EPS8: variants seen among roughly 807,000 people sequenced by gnomAD.
EPS8 encodes EGFR pathway substrate 8, signaling adaptor.
In EPS8, 42 loss-of-function variants were observed where a neutral mutation model predicts 103.8. The observed-to-expected ratio is 0.40, with a 90% CI of 0.32 to 0.52. EPS8 has a LOEUF of 0.52. Among genes scored for constraint, EPS8 ranks in the 20% least tolerant of loss-of-function variants. The pLI is 0.40. For missense variants in EPS8, 969 were observed against 1,005.1 expected (o/e 0.96, Z 0.49); for synonymous variants, 344 against 344.6 (o/e 1.00, Z 0.02).
In EPS8 at chr12:15,717,143, T is replaced by C. The variant is rs1048520158; in HGVS notation, c.-21-34171A>G. On this transcript the variant is annotated intron_variant, in intron 1 of 20. Coordinates refer to ENST00000281172, the MANE Select transcript of EPS8 (RefSeq NM_004447.6). This position sits in a 1 kb window ranked among gnomAD's most constrained non-coding sequence, Gnocchi z 4.3. ...CAGGAGATGCAATATGACTTATCTT[T>C]GGGAGAATCATATCTAACTACAATT... is the stretch of plus-strand genomic sequence containing the variant. 6.6e-6 allele frequency among the ~76,000 whole-genome samples: 1 copy of C among 152,228 alleles called. No homozygotes were observed. The highest frequency in any genetic ancestry group is 1.5e-5 in the Non-Finnish European group (1 of 68,036).
chr12:15,720,105 A>G (rs911799107), intron 1 of EPS8, among the ~76,000 whole-genome samples: 5 of 152,226 alleles, frequency 3.3e-5, no homozygotes, highest in Non-Finnish European at 5.9e-5. Flanking sequence ...CTTTGGCCAC[A>G]TTACTAAATC....
rs1252684575 is a variant in EPS8 at position 15,787,905 on chromosome 12, C to CA, written c.-22+1255dup. The CA allele has an allele frequency of 1.1e-4, 17 of 152,104 alleles. No individual in the cohort carries two copies. Among genetic ancestry groups the CA allele is most frequent in the African/African-American group, 3.6e-4 (15 of 41,404 alleles). 9.4% of individuals were successfully genotyped at this position (152,104 alleles called of 1,614,324 possible). A position where few individuals can be genotyped will look rare whatever the true frequency, so the allele number is the denominator to read the frequency against. On this transcript the variant is annotated intron_variant, in intron 1 of 20. Coordinates refer to ENST00000281172, the MANE Select transcript of EPS8 (RefSeq NM_004447.6). This position sits in a 1 kb window ranked among gnomAD's most constrained non-coding sequence, Gnocchi z 4.9. ...ATGTTTAGAAAACTGCGATCCCAAACAAAAAATCTATACTAGGTGAGACAG... is the reference window on the plus strand; with the variant it reads ...ATGTTTAGAAAACTGCGATCCCAAACAAAAAAATCTATACTAGGTGAGACAG...
chr12:15,669,911 A>C, intron 4 of EPS8, 86 bp from the exon 5 acceptor site: 1 of 1,003,922 alleles, frequency 1.0e-6, no homozygotes, highest in Non-Finnish European at 1.4e-6. Flanking sequence ...AGAAAATCAA[A>C]TAACCTGAGG....
Position 15,752,881 on chromosome 12 carries a change from A to G in EPS8, c.-22+36280T>C, listed in dbSNP as rs888400479. On this transcript the variant is annotated intron_variant, in intron 1 of 20. Coordinates refer to ENST00000281172, the MANE Select transcript of EPS8 (RefSeq NM_004447.6). The surrounding 1 kb of genome is among the most constrained non-coding windows in gnomAD (Gnocchi z 4.4). ...GCATTATCATAAAATCCTATGAGAA[A>G]GGCAAGGCAAGAACCATTACTTTCC... Among the ~76,000 whole-genome samples the G allele has an allele frequency of 1.3e-5, 2 of 152,134 alleles. No individual in the cohort carries two copies. Among genetic ancestry groups the G allele is most frequent in the African/African-American group, 4.8e-5 (2 of 41,422 alleles).
chr12:15,727,930 T>C lies in EPS8; in HGVS notation c.-21-44958A>G, dbSNP rs140163555. ...TGCTTTTATCAAGATGGTTCTCCCA[T>C]AATGCTTTAATAAATGATGAAAAAC... On this transcript the variant is annotated intron_variant, in intron 1 of 20. Transcript: ENST00000281172. This position sits in a 1 kb window ranked among gnomAD's most constrained non-coding sequence, Gnocchi z 4.3. Among the ~76,000 whole-genome samples, 213 of 152,332 alleles carry C rather than the reference T, an allele frequency of 1.4e-3. 1 individual carries two copies. The highest frequency in any genetic ancestry group is 4.9e-3 in the African/African-American group (205 of 41,568).
Position 15,706,626 on chromosome 12 carries a change from C to T in EPS8, c.-21-23654G>A, listed in dbSNP as rs1440184669. 6.6e-6 allele frequency among the ~76,000 whole-genome samples: 1 copy of T among 152,154 alleles called. No homozygotes were observed. The highest frequency in any genetic ancestry group is 2.1e-4 in the South Asian group (1 of 4,824). ...ATACTTTCTATTGAAGCAAAACACA[C>T]TTTTGTATTTTGCATTTTCTTTCAA... On this transcript the variant is annotated intron_variant, in intron 1 of 20. Transcript: ENST00000281172. This position sits in a 1 kb window ranked among gnomAD's most constrained non-coding sequence, Gnocchi z 5.2.
Position 15,654,225 on chromosome 12 carries a change from T to A in EPS8, c.1170A>T (p.Thr390=). Residue 390 remains threonine (T), a synonymous_variant, in exon 13 of 21, where the codon ACA becomes ACT. Coordinates refer to ENST00000281172, the MANE Select transcript of EPS8 (RefSeq NM_004447.6). ...SVLSPLLNKD[T]IDFLNYTVNG... ...TGACAGTATAATTTAAGAAATCAATTGTGTCCTTATTCAATAGGGGACTAA... is the reference window on the plus strand; with the variant it reads ...TGACAGTATAATTTAAGAAATCAATAGTGTCCTTATTCAATAGGGGACTAA... 1 of 1,613,620 alleles carries A rather than the reference T, an allele frequency of 6.2e-7. No individual in the cohort carries two copies. The highest frequency in any genetic ancestry group is 8.5e-7 in the Non-Finnish European group (1 of 1,179,580).
chr12:15,775,671 T>C (rs1947200422), intron 1 of EPS8, among the ~76,000 whole-genome samples: 1 of 152,166 alleles, frequency 6.6e-6, no homozygotes, highest in Non-Finnish European at 1.5e-5. Context: ...ACCTGATGCT[T>C]CTGTTAAGTT....
At chr12:15,656,260 G>A (rs928810483) in intron 12 of EPS8, among the ~76,000 whole-genome samples, 40 of 152,144 alleles carry the variant, frequency 2.6e-4, no homozygotes, top group Non-Finnish European at 5.4e-4. Flanking sequence ...TACAAATTTT[G>A]TTAATGAACT....
chr12:15,705,972 A>T (rs1210187635), intron 1 of EPS8, among the ~76,000 whole-genome samples: 1 of 151,536 alleles, frequency 6.6e-6, no homozygotes, highest in Non-Finnish European at 1.5e-5. Context: ...AAATTCTTGT[A>T]CAATCAGAGG....
intron 17 of EPS8, among the ~76,000 whole-genome samples, chr12:15,639,686 T>C (rs887802712): frequency 1.3e-5 from 2 of 152,270 alleles, no homozygotes; most frequent in East Asian, 1.9e-4. Context: ...ATGAATGTCA[T>C]GAGGAGCCAA....
rs2135986618 is a variant in EPS8 at position 15,727,150 on chromosome 12, A to T, written c.-21-44178T>A. Among the ~76,000 whole-genome samples the T allele has an allele frequency of 6.6e-6, 1 of 152,320 alleles. No individual in the cohort carries two copies. Among genetic ancestry groups the T allele is most frequent in the African/African-American group, 2.4e-5 (1 of 41,568 alleles). On this transcript the variant is annotated intron_variant, in intron 1 of 20. Transcript: ENST00000281172. The surrounding 1 kb of genome is among the most constrained non-coding windows in gnomAD (Gnocchi z 4.3). ...GTTTAGTTAAATCTAAGTTAAGTAC[A>T]AGTGACTACGTTTTTACTGTTTAAA...
Position 15,717,573 on chromosome 12 carries a change from C to T in EPS8, c.-21-34601G>A, listed in dbSNP as rs985293450. ...TTGCACTCCAGCCTGGGTGACAGCACGAGACTCCATCTCAAAAAAAAAGAA... is the reference window on the plus strand; with the variant it reads ...TTGCACTCCAGCCTGGGTGACAGCATGAGACTCCATCTCAAAAAAAAAGAA... On this transcript the variant is annotated intron_variant, in intron 1 of 20. Coordinates refer to ENST00000281172, the MANE Select transcript of EPS8 (RefSeq NM_004447.6). The surrounding 1 kb of genome is among the most constrained non-coding windows in gnomAD (Gnocchi z 4.3). Among the ~76,000 whole-genome samples, 14 of 151,360 alleles carry T rather than the reference C, an allele frequency of 9.2e-5. No homozygotes were observed. Among genetic ancestry groups the T allele is most frequent in the East Asian group, 3.9e-4 (2 of 5,162 alleles).
In EPS8 at chr12:15,654,192, A is replaced by G. The variant is rs1479652415; in HGVS notation, c.1203T>C (p.Asp401=). The change falls in exon 13 of 21, where the codon GAT becomes GAC. Residue 401 remains aspartate, a synonymous_variant. Coordinates refer to ENST00000281172, the MANE Select transcript of EPS8 (RefSeq NM_004447.6). ...CCAATGACATCCACAGCTGCCGTTC[A>G]TCACCATTGACAGTATAATTTAAGA... ...IDFLNYTVNG[D]ERQLWMSLGG... 20 of 1,613,808 alleles carry G rather than the reference A, an allele frequency of 1.2e-5. No homozygotes were observed. The highest frequency in any genetic ancestry group is 1.7e-5 in the Non-Finnish European group (20 of 1,179,854).
In EPS8 at chr12:15,751,665, T is replaced by G. The variant is rs1365910153; in HGVS notation, c.-22+37496A>C. On this transcript the variant is annotated intron_variant, in intron 1 of 20. Transcript: ENST00000281172. The surrounding 1 kb of genome is among the most constrained non-coding windows in gnomAD (Gnocchi z 4.3). The stretch of plus-strand genomic sequence containing the variant: ...TTTTGCCTTTACAAAGGTCACAACC[T>G]AGTGAATGAAAGAATATACCCGTCC... Among the ~76,000 whole-genome samples the G allele has an allele frequency of 6.6e-6, 1 of 152,058 alleles. No homozygotes were observed. Among genetic ancestry groups the G allele is most frequent in the African/African-American group, 2.4e-5 (1 of 41,356 alleles).
chr12:15,741,192 A>G (rs1814637690), intron 1 of EPS8, among the ~76,000 whole-genome samples: 1 of 152,240 alleles, frequency 6.6e-6, no homozygotes. Flanking sequence ...TAAATTCTTA[A>G]TAACTGTATC....
intron 1 of EPS8, among the ~76,000 whole-genome samples, chr12:15,744,245 G>A (rs1252537456): frequency 1.3e-5 from 2 of 152,170 alleles, no homozygotes; most frequent in African/African-American, 4.8e-5. Context: ...CTAGAGTGGA[G>A]CTCAACAAGC....
intron 10 of EPS8, among the ~76,000 whole-genome samples, chr12:15,659,059 G>GA (rs1161209660): frequency 6.6e-6 from 1 of 152,046 alleles, no homozygotes; most frequent in East Asian, 1.9e-4. Flanking sequence ...GATGTGGTGG[G>GA]AAAAACATCA....
rs1947293420 is a variant in EPS8, at chr12:15,784,734, CCAAAATATCCTTCAATAGGTGA to C, written c.-22+4405_-22+4426del. Among the ~76,000 whole-genome samples, 1 of 152,042 alleles carries C rather than the reference CCAAAATATCCTTCAATAGGTGA, an allele frequency of 6.6e-6. No individual in the cohort carries two copies. The highest frequency in any genetic ancestry group is 1.5e-5 in the Non-Finnish European group (1 of 67,960). On this transcript the variant is annotated intron_variant, in intron 1 of 20. Transcript: ENST00000281172. This position sits in a 1 kb window ranked among gnomAD's most constrained non-coding sequence, Gnocchi z 4.0. ...CATACTTGCCAAAAACTGGAAGCAA[CCAAAATATCCTTCAATAGGTGA>C]ATAAACAAACCATGATATATCTGAT...
Sources: gnomAD v4.1 joint callset for allele counts (sites outside exome capture counted in the v4.1 genomes callset) on GRCh38, gnomAD v4.1.1 for gene constraint, Gnocchi (gnomAD v3.1) non-coding constraint, MANE v1.5 for transcripts, NCBI Gene and HGNC (gene_info 2026-07-23, HGNC 2026-07-21) for gene names.